The following TRERF1 variants were observed in gnomAD, a reference collection of about 807,000 sequenced individuals.
TRERF1 encodes transcriptional-regulating factor 1.
In TRERF1, 27 loss-of-function variants were observed where a neutral mutation model predicts 122.9. The ratio of observed to expected loss-of-function variants is 0.22; its 90% CI spans 0.16 to 0.30. TRERF1 has a LOEUF of 0.30. TRERF1 is among the 10% of genes least tolerant of loss of function. The pLI, the probability that TRERF1 is intolerant of heterozygous loss-of-function variation, is 1.00. For synonymous variants in TRERF1, 636 were observed against 641.7 expected, an observed-to-expected ratio of 0.99 and a Z score of 0.13; for missense variants, 1,248 against 1,560.3, an observed-to-expected ratio of 0.80 and a Z score of 3.37.
At chr6:42,314,152 A>T (rs1265080146) in intron 3 of TRERF1, among the ~76,000 whole-genome samples, 5 of 152,162 alleles carry the variant, frequency 3.3e-5, no homozygotes, top group African/African-American at 1.2e-4. Context: ...TTACTTTTAG[A>T]CAAATGCATG....
At chr6:42,375,459 C>G (rs6912036) in intron 2 of TRERF1, among the ~76,000 whole-genome samples, 2 of 152,224 alleles carry the variant, frequency 1.3e-5, no homozygotes, top group African/African-American at 4.8e-5. Flanking sequence ...ACAGCTGTCT[C>G]GTCACCTCTC....
chr6:42,303,727 C>T (rs566774160), intron 3 of TRERF1, among the ~76,000 whole-genome samples: 2 of 151,906 alleles, frequency 1.3e-5, no homozygotes, highest in Admixed American at 6.6e-5. Context: ...AAAACCTGGG[C>T]AACATGGTGA....
At chr6:42,350,593 C>G (rs1052209785) in intron 3 of TRERF1, among the ~76,000 whole-genome samples, 1 of 152,168 alleles carries the variant, frequency 6.6e-6, no homozygotes, top group Non-Finnish European at 1.5e-5. Context: ...TCCTTCCTGT[C>G]AAGTCCATCT....
intron 2 of TRERF1, among the ~76,000 whole-genome samples, chr6:42,431,118 G>C (rs1784441104): frequency 6.6e-6 from 1 of 151,328 alleles, no homozygotes; most frequent in Non-Finnish European, 1.5e-5. Flanking sequence ...CTAAAGACAA[G>C]GGAAGAGTAA....
At chr6:42,416,774 T>C (rs1366136062) in intron 2 of TRERF1, among the ~76,000 whole-genome samples, 1 of 152,158 alleles carries the variant, frequency 6.6e-6, no homozygotes, top group East Asian at 1.9e-4. Context: ...TTTGAAAACA[T>C]TTACCTGTGA....
At chr6:42,388,553 T>A (rs1438994526) in intron 2 of TRERF1, among the ~76,000 whole-genome samples, 3 of 151,984 alleles carry the variant, frequency 2.0e-5, no homozygotes, top group Non-Finnish European at 2.9e-5. Flanking sequence ...CCAAGTTTCA[T>A]CCACCTGAAA....
At chr6:42,407,106 A>G (rs989976639) in intron 2 of TRERF1, among the ~76,000 whole-genome samples, 36 of 152,206 alleles carry the variant, frequency 2.4e-4, no homozygotes, top group African/African-American at 7.7e-4. Flanking sequence ...AAAGTGTCCT[A>G]AACACACCAG....
At chr6:42,439,911 C>T (rs1052324835) in intron 2 of TRERF1, among the ~76,000 whole-genome samples, 5 of 152,172 alleles carry the variant, frequency 3.3e-5, no homozygotes, top group African/African-American at 1.2e-4. Flanking sequence ...CACTGTGTGT[C>T]GTATTTCCAT....
chr6:42,295,805 A>C (rs1292075081), intron 4 of TRERF1, among the ~76,000 whole-genome samples: 1 of 152,186 alleles, frequency 6.6e-6, no homozygotes, highest in Non-Finnish European at 1.5e-5. Flanking sequence ...CTTTTATAGT[A>C]CTTGCCCACT....
At chr6:42,384,271 G>A (rs1479577661) in intron 2 of TRERF1, among the ~76,000 whole-genome samples, 1 of 152,018 alleles carries the variant, frequency 6.6e-6, no homozygotes, top group Non-Finnish European at 1.5e-5. Context: ...CTGTAAAATG[G>A]AATGTTATGC....
intron 3 of TRERF1, among the ~76,000 whole-genome samples, chr6:42,335,508 C>T (rs1765980392): frequency 6.6e-6 from 1 of 152,152 alleles, no homozygotes. Flanking sequence ...TGGTTTTGAA[C>T]CCAGGCCAAT....
chr6:42,368,552 C>T (rs1773184862), intron 2 of TRERF1, among the ~76,000 whole-genome samples: 1 of 152,180 alleles, frequency 6.6e-6, no homozygotes, highest in African/African-American at 2.4e-5. Context: ...ACTGGACCTC[C>T]TAATTTGGAA....
chr6:42,395,194 T>A (rs1245893309), intron 2 of TRERF1, among the ~76,000 whole-genome samples: 1 of 152,170 alleles, frequency 6.6e-6, no homozygotes, highest in African/African-American at 2.4e-5. Flanking sequence ...ACTTCCCCTC[T>A]ACAAAGTCAG....
At chr6:42,375,725 G>A (rs1774716997) in intron 2 of TRERF1, among the ~76,000 whole-genome samples, 1 of 152,152 alleles carries the variant, frequency 6.6e-6, no homozygotes, top group South Asian at 2.1e-4. Flanking sequence ...CTTGAAGACT[G>A]CGGCTGTGAT....
At chr6:42,438,172 T>C (rs933074620) in intron 2 of TRERF1, among the ~76,000 whole-genome samples, 4 of 150,786 alleles carry the variant, frequency 2.7e-5, no homozygotes, top group Non-Finnish European at 5.9e-5. Context: ...TCCACCCACC[T>C]TGGCCTCCCA....
chr6:42,234,679 G>A (rs547340216), intron 16 of TRERF1, among the ~76,000 whole-genome samples: 2 of 152,202 alleles, frequency 1.3e-5, no homozygotes, highest in East Asian at 1.9e-4. Flanking sequence ...AAAACCTATC[G>A]CTGACTTAGC....
intron 2 of TRERF1, among the ~76,000 whole-genome samples, chr6:42,403,038 G>A (rs1303874556): frequency 2.0e-5 from 3 of 152,116 alleles, no homozygotes. Context: ...GCCTAGTTAG[G>A]ACAGGGACAA....
intron 16 of TRERF1, among the ~76,000 whole-genome samples, chr6:42,234,901 G>A (rs1463046140): frequency 1.3e-5 from 2 of 152,038 alleles, no homozygotes; most frequent in African/African-American, 4.8e-5. Flanking sequence ...TATGATTTGA[G>A]GAGGCATCTA....
rs143722540 is a variant in TRERF1, at chr6:42,268,386, C to A, written c.1205G>T (p.Arg402Leu). ...GTAGGTCTTCAGCTGACTGTCCTCA[C>A]GCTGCTGGTGCTGGGACAGGTGGCT... The change falls in exon 5 of 18, where the codon CGT becomes CTT. Residue 402 changes from arginine (R) to leucine (L), a missense_variant. By Grantham distance (102) the Arg-to-Leu change is moderately radical. Coordinates refer to ENST00000372922, the Ensembl canonical transcript of TRERF1. The surrounding 1 kb of genome is among the most constrained non-coding windows in gnomAD (Gnocchi z 4.4). 6.5e-7 allele frequency: 1 copy of A among 1,540,770 alleles called. No homozygotes were observed. The highest frequency in any genetic ancestry group is 1.4e-5 in the African/African-American group (1 of 72,756).
Sources: allele counts gnomAD v4.1 joint callset (sites outside exome capture counted in the v4.1 genomes callset), GRCh38; gene constraint gnomAD v4.1.1; non-coding constraint Gnocchi (gnomAD v3.1); transcripts MANE v1.5; gene names NCBI Gene and HGNC (gene_info 2026-07-23, HGNC 2026-07-21).